Variants in MAML3 observed in about 807,000 individuals in gnomAD.
MAML3 encodes mastermind-like protein 3.
A neutral mutation model predicts 101.9 loss-of-function variants in MAML3; 27 were observed. The ratio of observed to expected loss-of-function variants is 0.27; its 90% CI spans 0.20 to 0.37. The LOEUF is 0.37. Ranked by LOEUF, MAML3 falls within the 10% of genes least tolerant of loss-of-function variation. The pLI, the probability that MAML3 is intolerant of heterozygous loss-of-function variation, is 1.00. For missense variants in MAML3, 1,316 were observed against 1,444.9 expected (o/e 0.91, Z 1.45); for synonymous variants, 501 against 555.9 (o/e 0.90, Z 1.39).
intron 2 of MAML3, 174 bp from the exon 3 acceptor site, chr4:139,730,841 TGAGTA>T (rs1298536698): frequency 1.6e-6 from 1 of 619,064 alleles, no homozygotes; most frequent in African/African-American, 1.8e-5. Context: ...CGACCTTACC[TGAGTA>T]GAATGAGAGA....
chr4:139,986,667 C>G (rs1734545124), intron 1 of MAML3, among the ~76,000 whole-genome samples: 1 of 150,444 alleles, frequency 6.6e-6, no homozygotes, highest in Non-Finnish European at 1.5e-5. Flanking sequence ...TCATGAATCT[C>G]TACAAAAATA....
Position 139,719,451 on chromosome 4 carries a change from T to C in MAML3, c.3289A>G (p.Ser1097Gly), listed in dbSNP as rs1019620911. The part of the protein sequence containing the change: ...NAPQDVSYNY[S>G]GDGAGGSFPG... ...AAGGAACCCCCAGCTCCGTCGCCAC[T>C]GTAATTGTATGACACGTCCTGAGGG... Residue 1097 changes from serine to glycine, a missense_variant, in exon 5 of 5, where the codon AGT (serine) becomes GGT (glycine). Ser to Gly is a moderately conservative substitution (Grantham distance 56). Coordinates refer to ENST00000509479, the MANE Select transcript of MAML3 (RefSeq NM_018717.5). 8.1e-6 allele frequency: 13 copies of C among 1,613,980 alleles called. No individual in the cohort carries two copies. The highest frequency in any genetic ancestry group is 1.1e-5 in the Non-Finnish European group (13 of 1,179,882).
rs1336211249 is a variant in MAML3 at position 139,719,221 on chromosome 4, G to A, written c.*102C>T. The A allele has an allele frequency of 1.5e-5, 20 of 1,378,398 alleles. No individual in the cohort carries two copies. The highest frequency in any genetic ancestry group is 5.0e-5 in the East Asian group (2 of 40,240). 85.4% of individuals were successfully genotyped at this position (1,378,398 alleles called of 1,614,324 possible). On this transcript the variant is annotated 3_prime_UTR_variant, in exon 5 of 5. Coordinates refer to ENST00000509479, the MANE Select transcript of MAML3 (RefSeq NM_018717.5). ...CCAGCTGCAGTTTTGCTCAGTTTAC[G>A]TGGGTCAAAAAAACAAAAAACAAGG...
At chr4:139,828,234 T>G (rs1293312514) in intron 2 of MAML3, among the ~76,000 whole-genome samples, 1 of 152,236 alleles carries the variant, frequency 6.6e-6, no homozygotes, top group Non-Finnish European at 1.5e-5. Flanking sequence ...ACATGGATGC[T>G]CCACATGGTC....
chr4:139,832,398 C>T (rs1024534842), intron 2 of MAML3, among the ~76,000 whole-genome samples: 1 of 151,924 alleles, frequency 6.6e-6, no homozygotes. Context: ...AAACGTGAGC[C>T]ACCGCACCTG....
At chr4:140,096,932 A>G (rs911202703) in intron 1 of MAML3, among the ~76,000 whole-genome samples, 1 of 152,110 alleles carries the variant, frequency 6.6e-6, no homozygotes, top group African/African-American at 2.4e-5. Context: ...TTACTGAAGT[A>G]GATTGCATTT....
chr4:139,960,462 G>A (rs917948602), intron 1 of MAML3, among the ~76,000 whole-genome samples: 1 of 152,194 alleles, frequency 6.6e-6, no homozygotes, highest in African/African-American at 2.4e-5. Context: ...ACCAAGGGTA[G>A]GTTGGTAAAG....
intron 2 of MAML3, among the ~76,000 whole-genome samples, chr4:139,848,700 A>G (rs1731491381): frequency 6.6e-6 from 1 of 152,234 alleles, no homozygotes; most frequent in Non-Finnish European, 1.5e-5. Flanking sequence ...TTATATAAAT[A>G]AACACAAAAG....
intron 1 of MAML3, among the ~76,000 whole-genome samples, chr4:140,026,215 T>C (rs72935711): frequency 0.046 from 7,056 of 152,266 alleles, 542 homozygotes; most frequent in African/African-American, 0.16. Flanking sequence ...TGTGTCTGTG[T>C]GCATATACAC....
At chr4:139,729,425 G>C (rs1325185236) in intron 3 of MAML3, among the ~76,000 whole-genome samples, 1 of 152,102 alleles carries the variant, frequency 6.6e-6, no homozygotes, top group Non-Finnish European at 1.5e-5. Context: ...TTCGAGACCA[G>C]CCTGGTCAAC....
chr4:140,058,270 T>TG (rs1369298856), intron 1 of MAML3, among the ~76,000 whole-genome samples: 1 of 36,620 alleles, frequency 2.7e-5, no homozygotes, highest in Non-Finnish European at 2.4e-4. Flanking sequence ...CTCAGAGTAC[T>TG]TTTTTTTTTA....
intron 2 of MAML3, among the ~76,000 whole-genome samples, chr4:139,821,427 G>C (rs542489192): frequency 3.9e-5 from 6 of 152,288 alleles, no homozygotes; most frequent in African/African-American, 1.4e-4. Flanking sequence ...CTCCTTATGA[G>C]AATCTAATGC....
chr4:139,889,336 G>C lies in MAML3; in HGVS notation c.2079+21C>G, dbSNP rs999981613. On this transcript the variant is annotated intron_variant, in intron 2 of 4. Coordinates refer to ENST00000509479, the MANE Select transcript of MAML3 (RefSeq NM_018717.5). Reference sequence around the variant, plus strand: ...ATGCACCACAAGAACTGCTCGAAGAGTGTGTCACTTTCACACTTACCTGAC... The same window carrying C: ...ATGCACCACAAGAACTGCTCGAAGACTGTGTCACTTTCACACTTACCTGAC... 4 of 1,614,040 alleles carry C rather than the reference G, an allele frequency of 2.5e-6. No homozygotes were observed. The African/African-American group carries it at 4.0e-5, about 16-fold the overall frequency.
chr4:140,057,397 T>G (rs1033299459), intron 1 of MAML3, among the ~76,000 whole-genome samples: 1 of 152,148 alleles, frequency 6.6e-6, no homozygotes, highest in African/African-American at 2.4e-5. Flanking sequence ...TTACCAACAT[T>G]AAAACAGAAG....
intron 2 of MAML3, among the ~76,000 whole-genome samples, chr4:139,837,512 C>A (rs1179061872): frequency 6.6e-6 from 1 of 151,658 alleles, no homozygotes; most frequent in African/African-American, 2.4e-5. Flanking sequence ...ACCAAACAAA[C>A]AAACACACAA....
chr4:139,729,764 T>C (rs973206113), intron 3 of MAML3, among the ~76,000 whole-genome samples: 5 of 152,220 alleles, frequency 3.3e-5, no homozygotes, highest in East Asian at 1.9e-4. Context: ...TGAGGAATTA[T>C]AGGGCGAGGG....
At chr4:139,722,115 T>C (rs1272886630) in intron 4 of MAML3, among the ~76,000 whole-genome samples, 4 of 152,214 alleles carry the variant, frequency 2.6e-5, no homozygotes, top group Non-Finnish European at 5.9e-5. Context: ...AAGGACTAGA[T>C]ACTGTCTGGA....
chr4:139,993,434 T>C (rs1222908824), intron 1 of MAML3, among the ~76,000 whole-genome samples: 2 of 152,016 alleles, frequency 1.3e-5, no homozygotes. Flanking sequence ...TTATCAGATA[T>C]ATAATTTGCA....
At chr4:139,904,770 C>G (rs989085523) in intron 1 of MAML3, among the ~76,000 whole-genome samples, 5 of 141,490 alleles carry the variant, frequency 3.5e-5, no homozygotes, top group African/African-American at 1.3e-4. Context: ...CATATTCACA[C>G]AAGCCTAATA....
Sources: allele counts gnomAD v4.1 joint callset (sites outside exome capture counted in the v4.1 genomes callset), GRCh38; gene constraint gnomAD v4.1.1; transcripts MANE v1.5; gene names NCBI Gene and HGNC (gene_info 2026-07-23, HGNC 2026-07-21).